The following ZNF726 variants were observed in gnomAD, a reference collection of about 807,000 sequenced individuals.
ZNF726 encodes the protein zinc finger protein 726.
Under a neutral mutation model 11.6 loss-of-function variants are expected in ZNF726, and 15 were observed. The observed-to-expected ratio is 1.29, with a 90% confidence interval of 0.86 to 1.99. The LOEUF is 1.99. ZNF726 is among the 30% of genes most tolerant of loss of function. ZNF726 has a pLI of 0.00. For synonymous variants in ZNF726, 295 were observed against 243.6 expected (o/e 1.21, Z -1.96); for missense variants, 890 against 725.6 (o/e 1.23, Z -2.60).
intron 1 of ZNF726, 149 bp downstream of exon 1, chr19:23,915,146 C>G: frequency 8.4e-7 from 1 of 1,195,368 alleles, no homozygotes; most frequent in Non-Finnish European, 1.2e-6. Context: ...GTCCCTTCAG[C>G]CTTAAGATGG....
At chr19:23,937,451 G>A (rs1248433738), downstream of ZNF726, among the ~76,000 whole-genome samples, 1 of 150,088 alleles carries the variant, frequency 6.7e-6, no homozygotes, top group African/African-American at 2.5e-5. Flanking sequence ...AGGCAGAGGG[G>A]CTCCTCACTT....
At chr19:23,937,494 C>G (rs1968263395), downstream of ZNF726, among the ~76,000 whole-genome samples, 2 of 151,774 alleles carry the variant, frequency 1.3e-5, no homozygotes, top group Admixed American at 6.6e-5. Flanking sequence ...AGACGCTCCT[C>G]ACATCCCGGA....
Position 23,932,392 on chromosome 19 carries a change from A to G in ZNF726, c.276A>G (p.Glu92=). 2.0e-6 allele frequency: 3 copies of G among 1,520,712 alleles called. No homozygotes were observed. The highest frequency in any genetic ancestry group is 2.6e-6 in the Non-Finnish European group (3 of 1,140,594). 94.2% of individuals were successfully genotyped at this position (1,520,712 alleles called of 1,614,324 possible). A position where few individuals can be genotyped will look rare whatever the true frequency, so the allele number is the denominator to read the frequency against. Residue 92 remains glutamate, a synonymous_variant, in exon 4 of 4, where the codon GAA becomes GAG. Transcript: ENST00000594466. The part of the protein sequence containing the change: ...AQDIWPEQGV[E]DSFQKVILRR... ...ACATTTGGCCAGAGCAGGGCGTGGA[A>G]GATTCTTTTCAAAAAGTAATACTAA...
chr19:23,920,040 C>T lies in ZNF726; in HGVS notation c.184C>T (p.Pro62Ser), dbSNP rs773030703. 1 of 1,590,296 alleles carries T rather than the reference C, an allele frequency of 6.3e-7. No individual in the cohort carries two copies. Among genetic ancestry groups the T allele is most frequent in the East Asian group, 2.3e-5 (1 of 43,622 alleles). The change falls in exon 3 of 4, where the codon CCC becomes TCC. Residue 62 changes from proline (P) to serine (S), a missense_variant. Pro to Ser is a moderately conservative substitution (Grantham distance 74). Coordinates refer to ENST00000594466, the MANE Select transcript of ZNF726 (RefSeq NM_001244038.2). ...CATCTGTCTGGAGAAAGAAAAAGAG[C>T]CCTGGAATATGAAGCGAGATGAGAT... is the stretch of plus-strand genomic sequence containing the variant. ...LIICLEKEKE[P>S]WNMKRDEMVD...
At chr19:23,927,421 A>T (rs1206091513) in intron 3 of ZNF726, among the ~76,000 whole-genome samples, 2 of 152,100 alleles carry the variant, frequency 1.3e-5, no homozygotes, top group Non-Finnish European at 2.9e-5. Context: ...TTCTAGTTTA[A>T]TTCAGTTTTG....
At chr19:23,917,537 A>T (rs531388344) in intron 1 of ZNF726, among the ~76,000 whole-genome samples, 1 of 152,234 alleles carries the variant, frequency 6.6e-6, no homozygotes, top group Non-Finnish European at 1.5e-5. Context: ...GTAGACAATG[A>T]ATACATTTCC....
intron 3 of ZNF726, chr19:23,928,384 GA>G (rs759903403): frequency 1.4e-4 from 22 of 152,118 alleles, no homozygotes; most frequent in Non-Finnish European, 2.4e-4. Context: ...TTCTATTACG[GA>G]AAATGGGGTC....
chr19:23,926,103 A>G (rs1967980404), intron 3 of ZNF726, among the ~76,000 whole-genome samples: 1 of 152,164 alleles, frequency 6.6e-6, no homozygotes, highest in Admixed American at 6.5e-5. Flanking sequence ...TCTAGAATGC[A>G]TTATCCATCT....
At chr19:23,935,239 A>G (rs756510321), downstream of ZNF726, 21 of 461,606 alleles carry the variant, frequency 4.5e-5, no homozygotes, top group Non-Finnish European at 8.8e-5. Context: ...AAATCTTTTA[A>G]CCTGTCTTCA....
In ZNF726 at chr19:23,932,683, C is replaced by G; in HGVS notation, c.567C>G (p.Thr189=). ...VKSFCMFSHK[T]QHKSIYTTEK... ...CATTTTGCATGTTTTCACACAAAAC[C>G]CAGCATAAAAGCATATATACTACAG... Residue 189 remains threonine (T), a synonymous_variant, in exon 4 of 4, where the codon ACC becomes ACG. Transcript: ENST00000594466. 1.3e-6 allele frequency: 2 copies of G among 1,589,966 alleles called. No homozygotes were observed. The highest frequency in any genetic ancestry group is 1.7e-6 in the Non-Finnish European group (2 of 1,172,422).
chr19:23,923,730 T>C (rs962440024), intron 3 of ZNF726: 13 of 158,200 alleles, frequency 8.2e-5, no homozygotes, highest in African/African-American at 2.9e-4. Context: ...CAGTCAAACA[T>C]TGCAGTTATC....
intron 3 of ZNF726, among the ~76,000 whole-genome samples, chr19:23,930,104 AT>A (rs1040782298): frequency 3.3e-5 from 5 of 151,902 alleles, no homozygotes; most frequent in Admixed American, 3.3e-4. Flanking sequence ...ACCATGTACC[AT>A]TTTTTTTGGT....
chr19:23,924,736 T>C (rs1186916639), intron 3 of ZNF726, among the ~76,000 whole-genome samples: 3 of 152,020 alleles, frequency 2.0e-5, no homozygotes, highest in Non-Finnish European at 4.4e-5. Flanking sequence ...GATATTTTTT[T>C]CTAAGAAATA....
At position 23,943,645 on chromosome 19, in the gene ZNF726, G is replaced by A. The variant is rs1968373360; in HGVS notation, c.322+56G>A. ...AGATGACAGGTTCAAAGGTCAAAAA[G>A]AATGCCAGACTTTAAAATGTGATAT... is the stretch of plus-strand genomic sequence containing the variant. On this transcript the variant is annotated intron_variant, in intron 4 of 4. Transcript: ENST00000334589. The A allele has an allele frequency of 5.3e-5, 28 of 528,208 alleles. No homozygotes were observed. The South Asian group carries it at 7.7e-4, about 14-fold the overall frequency. The allele number at this position is 528,208 out of a possible 1,614,324, so 32.7% of individuals were successfully genotyped here.
rs1968182246 is a variant in ZNF726, at chr19:23,934,000, A to G, written c.*33A>G. 1.9e-6 allele frequency: 3 copies of G among 1,583,552 alleles called. No individual in the cohort carries two copies. The highest frequency in any genetic ancestry group is 1.7e-6 in the Non-Finnish European group (2 of 1,162,236). ...CTTAAAAAGGGTAAAGAATGTGGCA[A>G]AGCATTTATATGGTCCTCAACGCTA... On this transcript the variant is annotated 3_prime_UTR_variant, in exon 4 of 4. Coordinates refer to ENST00000594466, the MANE Select transcript of ZNF726 (RefSeq NM_001244038.2).
Position 23,928,903 on chromosome 19 carries a change from T to C in ZNF726, c.227-3440T>C, listed in dbSNP as rs532065912. 3.9e-5 allele frequency: 6 copies of C among 152,280 alleles called. No individual in the cohort carries two copies. The South Asian group carries it at 1.2e-3, about 32-fold the overall frequency. The allele number at this position is 152,280 out of a possible 1,614,324, so 9.4% of individuals were successfully genotyped here. The stretch of plus-strand genomic sequence containing the variant: ...GCCTCAGTTTCTCAAACTCAGAAGA[T>C]TCTCTCATTTCAGCCTCTCAGGTAG... On this transcript the variant is annotated intron_variant, in intron 3 of 3. Coordinates refer to ENST00000594466, the MANE Select transcript of ZNF726 (RefSeq NM_001244038.2).
chr19:23,920,174 C>T (rs1967808157), intron 3 of ZNF726, 92 bp downstream of exon 3: 1 of 853,812 alleles, frequency 1.2e-6, no homozygotes, highest in African/African-American at 1.8e-5. Flanking sequence ...AAGCTGCATT[C>T]CAAAGGAAAC....
downstream of ZNF726, among the ~76,000 whole-genome samples, chr19:23,938,735 G>A (rs1199952825): frequency 6.6e-6 from 1 of 150,872 alleles, no homozygotes; most frequent in East Asian, 2.0e-4. Context: ...AGCCTCCCAA[G>A]TAGCTGGGAT....
downstream of ZNF726, among the ~76,000 whole-genome samples, chr19:23,938,830 C>T (rs1167718436): frequency 6.6e-6 from 1 of 152,074 alleles, no homozygotes; most frequent in Non-Finnish European, 1.5e-5. Flanking sequence ...TGGTCTTAAA[C>T]TTCTGACCTA....
Sources: gnomAD v4.1 joint callset for allele counts (sites outside exome capture counted in the v4.1 genomes callset) on GRCh38, gnomAD v4.1.1 for gene constraint, MANE v1.5 for transcripts, NCBI Gene and HGNC (gene_info 2026-07-23, HGNC 2026-07-21) for gene names.